STON1: variants seen among roughly 807,000 people sequenced by gnomAD.
STON1 encodes the protein stonin-1.
Under a neutral mutation model 60.9 loss-of-function variants are expected in STON1, and 79 were observed. The ratio of observed to expected loss-of-function variants is 1.30; its 90% CI spans 1.08 to 1.56. The LOEUF (loss-of-function observed/expected upper bound fraction) is 1.56. Ranked by LOEUF, STON1 falls within the 40% of genes most tolerant of loss-of-function variation. The probability of loss-of-function intolerance (pLI) is 0.00; values close to 1 mark genes in which losing one functional copy is unlikely to be tolerated. For missense variants in STON1, 1,166 were observed against 858.9 expected (o/e 1.36, Z -4.47); for synonymous variants, 363 against 306.9 (o/e 1.18, Z -1.91).
In STON1 at chr2:48,565,509, G is replaced by A. The variant is rs77798166; in HGVS notation, c.-47-15078G>A. ...CACAAACATTAAGCCCATAACAAAG[G>A]AGGATCCCTGAGCAGGGAATTGGGC... On this transcript the variant is annotated intron_variant, in intron 1 of 3. Transcript: ENST00000404752. Among the ~76,000 whole-genome samples, 1,043 of 152,272 alleles carry A rather than the reference G, an allele frequency of 6.8e-3. 8 individuals carry two copies. The highest frequency in any genetic ancestry group is 0.024 in the African/African-American group (1,011 of 41,546).
chr2:48,577,957 G>C (rs1673615323), intron 1 of STON1, among the ~76,000 whole-genome samples: 1 of 151,198 alleles, frequency 6.6e-6, no homozygotes. Context: ...GAGTTTTATA[G>C]TTTCAAGTCT....
chr2:48,575,759 GTTT>G (rs535300380), intron 1 of STON1, among the ~76,000 whole-genome samples: 1 of 111,820 alleles, frequency 8.9e-6, no homozygotes, highest in Non-Finnish European at 1.8e-5. Context: ...GTTTTTGTTT[GTTT>G]TTTTTTTTTT....
At chr2:48,555,312 C>CGG (rs562013562) in intron 1 of STON1, among the ~76,000 whole-genome samples, 126 of 11,856 alleles carry the variant, frequency 0.011, 16 homozygotes, top group Non-Finnish European at 0.017. Context: ...GCTGGCCGGG[C>CGG]GGGGGGGGCT....
At chr2:48,564,446 C>CTTCTTCTTCTTT (rs1672757894) in intron 1 of STON1, among the ~76,000 whole-genome samples, 1 of 51,818 alleles carries the variant, frequency 1.9e-5, no homozygotes, top group African/African-American at 7.3e-5. Flanking sequence ...TCTTCTTCTT[C>CTTCTTCTTCTTT]TTCTTCTTCT....
At chr2:48,550,094 G>A (rs1183191949) in intron 1 of STON1, among the ~76,000 whole-genome samples, 1 of 152,096 alleles carries the variant, frequency 6.6e-6, no homozygotes, top group East Asian at 1.9e-4. Context: ...ATTCTGAAGT[G>A]TGGAGCAAGA....
intron 1 of STON1, among the ~76,000 whole-genome samples, chr2:48,542,766 T>C (rs1028789496): frequency 6.6e-6 from 1 of 151,898 alleles, no homozygotes; most frequent in Non-Finnish European, 1.5e-5. Context: ...TAGCCAGACG[T>C]GGTGGCACAT....
intron 2 of STON1, among the ~76,000 whole-genome samples, chr2:48,589,154 A>T (rs953108786): frequency 5.9e-5 from 9 of 152,058 alleles, no homozygotes; most frequent in African/African-American, 2.2e-4. Flanking sequence ...CTGCCCTGTC[A>T]TCAGCACGTT....
chr2:48,535,977 C>T (rs1466214901), intron 1 of STON1, among the ~76,000 whole-genome samples: 3 of 152,118 alleles, frequency 2.0e-5, no homozygotes, highest in Admixed American at 2.0e-4. Context: ...GTCCCAGCTA[C>T]TTGGGAGGCT....
chr2:48,590,107 A>G (rs1280033478), intron 2 of STON1, among the ~76,000 whole-genome samples: 2 of 152,182 alleles, frequency 1.3e-5, no homozygotes, highest in Admixed American at 6.5e-5. Context: ...CTGTATCCTC[A>G]CTGCAGACAG....
At position 48,554,813 on chromosome 2, in the gene STON1, A is replaced by G. The variant is rs1267592430; in HGVS notation, c.-48+24597A>G. On this transcript the variant is annotated intron_variant, in intron 1 of 3. Coordinates refer to ENST00000404752, the MANE Select transcript of STON1 (RefSeq NM_006873.4). ...GGGTCATGGGACAATAGTGGAGGGA[A>G]GGTCAGCAGATAAACAAGTGAACAA... Among the ~76,000 whole-genome samples, 2 of 65,424 alleles carry G rather than the reference A, an allele frequency of 3.1e-5. 1 individual carries two copies. Among genetic ancestry groups the G allele is most frequent in the African/African-American group, 1.1e-4 (2 of 17,434 alleles). The allele number at this position is 65,424 out of a possible 152,430, so 42.9% of individuals were successfully genotyped here.
intron 1 of STON1, among the ~76,000 whole-genome samples, chr2:48,552,643 G>A (rs986646787): frequency 2.0e-5 from 3 of 151,912 alleles, no homozygotes; most frequent in African/African-American, 4.8e-5. Context: ...GGTGGCAGGC[G>A]CCTGTAATCC....
At chr2:48,572,949 T>G (rs1214770186) in intron 1 of STON1, among the ~76,000 whole-genome samples, 2 of 152,196 alleles carry the variant, frequency 1.3e-5, no homozygotes, top group Non-Finnish European at 2.9e-5. Context: ...CAGCCTGGGC[T>G]GCCCTCCGCT....
At chr2:48,578,581 CTTTTTTTTT>C (rs59933765) in intron 1 of STON1, among the ~76,000 whole-genome samples, 3 of 46,154 alleles carry the variant, frequency 6.5e-5, no homozygotes, top group Admixed American at 4.0e-4. Context: ...CTCCTCCTTC[CTTTTTTTTT>C]TTTTTTTTTT....
chr2:48,567,200 C>G (rs910697409), intron 1 of STON1, among the ~76,000 whole-genome samples: 1 of 152,132 alleles, frequency 6.6e-6, no homozygotes, highest in Non-Finnish European at 1.5e-5. Context: ...CTAAATACCC[C>G]ACATGTTTGC....
At position 48,580,811 on chromosome 2, in the gene STON1, A is replaced by G; in HGVS notation, c.178A>G (p.Thr60Ala). The G allele has an allele frequency of 6.5e-7, 1 of 1,548,114 alleles. No individual in the cohort carries two copies. The highest frequency in any genetic ancestry group is 1.4e-5 in the African/African-American group (1 of 72,488). Residue 60 changes from threonine (T) to alanine (A), a missense_variant, in exon 2 of 4, where the codon ACT becomes GCT. Transcript: ENST00000404752. Reference protein sequence around the residue: ...FPSGSSSTSSTPLSSPIVDFY... With the variant: ...FPSGSSSTSSAPLSSPIVDFY... ...CAGTGGATCTTCCTCCACCAGCAGC[A>G]CTCCTCTCTCCTCCCCCATTGTAGA...
At chr2:48,531,375 C>G (rs1181336052) in intron 1 of STON1, 1 of 152,188 alleles carries the variant, frequency 6.6e-6, no homozygotes, top group East Asian at 1.9e-4. Context: ...ATAATAAAAA[C>G]AGCCCTACTT....
At chr2:48,571,913 C>G (rs1159716974) in intron 1 of STON1, among the ~76,000 whole-genome samples, 2 of 152,128 alleles carry the variant, frequency 1.3e-5, no homozygotes, top group Admixed American at 6.6e-5. Context: ...GCCTGTAATC[C>G]CAGCACTTTG....
chr2:48,577,634 G>C (rs1202268681), intron 1 of STON1, among the ~76,000 whole-genome samples: 1 of 151,512 alleles, frequency 6.6e-6, no homozygotes, highest in Non-Finnish European at 1.5e-5. Flanking sequence ...TTTTTTGTAG[G>C]GGAGGAGATT....
rs1317915423 is a variant in STON1 at position 48,557,554 on chromosome 2, A to C, written c.-47-23033A>C. 7.0e-5 allele frequency among the ~76,000 whole-genome samples: 8 copies of C among 113,678 alleles called. 2 individuals are homozygous for C. The highest frequency in any genetic ancestry group is 1.1e-4 in the Non-Finnish European group (6 of 53,360). The allele number at this position is 113,678 out of a possible 152,430, so 74.6% of individuals were successfully genotyped here. The stretch of plus-strand genomic sequence containing the variant: ...GGGTGGCGGCCGGGCAGAGGCTGCA[A>C]TCTCGGCACTTTGGGAGGCCAAGGC... On this transcript the variant is annotated intron_variant, in intron 1 of 3. Transcript: ENST00000404752.
Sources: gnomAD v4.1 joint callset for allele counts (sites outside exome capture counted in the v4.1 genomes callset) on GRCh38, gnomAD v4.1.1 for gene constraint, MANE v1.5 for transcripts, NCBI Gene and HGNC (gene_info 2026-07-23, HGNC 2026-07-21) for gene names.